The following OPA1 variants were observed in gnomAD, a reference collection of about 807,000 sequenced individuals.
OPA1 encodes OPA1 mitochondrial dynamin like GTPase, also known as dynamin-like GTPase OPA1, mitochondrial.
A neutral mutation model predicts 152.9 loss-of-function variants in OPA1; 59 were observed. That is an observed-to-expected ratio of 0.39 (90% CI 0.31 to 0.48). The LOEUF (loss-of-function observed/expected upper bound fraction) is 0.48. OPA1 is among the 20% of genes least tolerant of loss of function. The probability of loss-of-function intolerance (pLI) is 0.96; values close to 1 mark genes in which losing one functional copy is unlikely to be tolerated. For missense variants in OPA1, 1,008 were observed against 1,216.8 expected (o/e 0.83, Z 2.55); for synonymous variants, 400 against 389.9 (o/e 1.03, Z -0.31).
intron 1 of OPA1, among the ~76,000 whole-genome samples, chr3:193,607,178 G>C (rs1727422780): frequency 6.6e-6 from 1 of 152,214 alleles, no homozygotes. Flanking sequence ...CCCTTTGTCA[G>C]ATGAGAAGTT....
chr3:193,690,240 G>A (rs1010863346), intron 29 of OPA1, among the ~76,000 whole-genome samples: 1 of 150,362 alleles, frequency 6.7e-6, no homozygotes, highest in African/African-American at 2.5e-5. Flanking sequence ...AGGGGTTAAT[G>A]CTACCTTCAT....
intron 28 of OPA1, among the ~76,000 whole-genome samples, chr3:193,666,881 C>T (rs902405118): frequency 6.6e-6 from 1 of 151,968 alleles, no homozygotes; most frequent in Admixed American, 6.6e-5. Flanking sequence ...AGTTTATTTT[C>T]ATTGCATGAA....
chr3:193,684,156 A>G (rs1720596125), intron 29 of OPA1, among the ~76,000 whole-genome samples: 1 of 152,170 alleles, frequency 6.6e-6, no homozygotes, highest in Non-Finnish European at 1.5e-5. Context: ...TCTAATGGCT[A>G]CACATAATCA....
intron 29 of OPA1, among the ~76,000 whole-genome samples, chr3:193,674,735 G>A (rs1410162805): frequency 1.3e-5 from 2 of 152,226 alleles, no homozygotes; most frequent in Middle Eastern, 3.4e-3. Flanking sequence ...TTCACATTCC[G>A]ACACTTCTCC....
chr3:193,668,502 C>T, intron 29 of OPA1: 5 of 1,550,262 alleles, frequency 3.2e-6, no homozygotes, highest in Non-Finnish European at 4.4e-6. Flanking sequence ...TCCATCTCAT[C>T]CTTCCCACCC....
intron 28 of OPA1, 92 bp downstream of exon 28, chr3:193,666,481 C>G: frequency 9.6e-7 from 1 of 1,043,126 alleles, no homozygotes. Context: ...AAATACTTCC[C>G]AAAAGTAGAT....
intron 25 of OPA1, among the ~76,000 whole-genome samples, chr3:193,662,035 G>A (rs200553580): frequency 2.0e-5 from 3 of 151,924 alleles, no homozygotes; most frequent in Admixed American, 6.6e-5. Context: ...ACTCAGTTTC[G>A]TAGCTGTGGT....
At chr3:193,690,577 G>A (rs1403263044) in intron 29 of OPA1, among the ~76,000 whole-genome samples, 2 of 152,060 alleles carry the variant, frequency 1.3e-5, no homozygotes, top group African/African-American at 4.8e-5. Context: ...ATATCCAACC[G>A]TGGTAGGCTT....
chr3:193,651,242 A>G (rs191378312), intron 21 of OPA1, among the ~76,000 whole-genome samples: 1 of 152,362 alleles, frequency 6.6e-6, no homozygotes, highest in East Asian at 1.9e-4. Flanking sequence ...TGTAGTAGGC[A>G]AAATGGAATA....
At chr3:193,625,520 TTAAA>T (rs1447662650) in intron 6 of OPA1, among the ~76,000 whole-genome samples, 3 of 152,100 alleles carry the variant, frequency 2.0e-5, no homozygotes, top group African/African-American at 7.2e-5. Context: ...ATCTTTTAAT[TTAAA>T]TAAAGAACCC....
At chr3:193,646,070 A>C (rs1455459288) in intron 18 of OPA1, among the ~76,000 whole-genome samples, 2 of 51,102 alleles carry the variant, frequency 3.9e-5, no homozygotes, top group African/African-American at 1.3e-4. Context: ...CTCTTACTTT[A>C]TTTTACTTAT....
chr3:193,683,464 G>T (rs1246337365), intron 29 of OPA1, among the ~76,000 whole-genome samples: 1 of 152,020 alleles, frequency 6.6e-6, no homozygotes, highest in Non-Finnish European at 1.5e-5. Flanking sequence ...AAAAATTTGA[G>T]TAAATTTGGG....
At chr3:193,626,827 G>T (rs1731228851) in intron 7 of OPA1, among the ~76,000 whole-genome samples, 1 of 152,152 alleles carries the variant, frequency 6.6e-6, no homozygotes, top group Non-Finnish European at 1.5e-5. Context: ...AATTCTGGTT[G>T]CTAAAGAACA....
chr3:193,665,558 G>C (rs1165555207), intron 27 of OPA1, among the ~76,000 whole-genome samples: 1 of 152,062 alleles, frequency 6.6e-6, no homozygotes, highest in Non-Finnish European at 1.5e-5. Flanking sequence ...ATAATTTAAA[G>C]TAACCCCTAG....
chr3:193,642,825 G>A lies in OPA1; in HGVS notation c.1210G>A (p.Asp404Asn). Residue 404 changes from aspartate to asparagine, a missense_variant, in exon 12 of 31, where the codon GAT becomes AAT. Physicochemically the swap from Asp to Asn is conservative, Grantham distance 23. Around this residue, in one of 7 missense-constraint regions of OPA1, gnomAD observed 213 missense variants for 291.4 expected, o/e 0.73. Coordinates refer to ENST00000361510, the MANE Select transcript of OPA1 (RefSeq NM_130837.3). Reference sequence around the variant, plus strand: ...ATTTAAAGATAGTTCTCGGGAGTTTGATCTTACCAAAGAAGAAGATGTAAG... The same window carrying A: ...ATTTAAAGATAGTTCTCGGGAGTTTAATCTTACCAAAGAAGAAGATGTAAG... The part of the protein sequence containing the change: ...ALFKDSSREF[D>N]LTKEEDLAAL... 1 of 1,613,356 alleles carries A rather than the reference G, an allele frequency of 6.2e-7. No homozygotes were observed. The highest frequency in any genetic ancestry group is 8.5e-7 in the Non-Finnish European group (1 of 1,179,406).
intron 21 of OPA1, among the ~76,000 whole-genome samples, chr3:193,650,271 T>A (rs1712070412): frequency 6.6e-6 from 1 of 152,142 alleles, no homozygotes; most frequent in African/African-American, 2.4e-5. Flanking sequence ...ATCTGGGACA[T>A]CTGGCTGCTA....
At chr3:193,666,893 C>G (rs1483745435) in intron 28 of OPA1, among the ~76,000 whole-genome samples, 1 of 151,878 alleles carries the variant, frequency 6.6e-6, no homozygotes, top group East Asian at 1.9e-4. Flanking sequence ...TTGCATGAAA[C>G]TCTGTTGGGA....
chr3:193,642,187 G>A (rs907425746), intron 11 of OPA1, among the ~76,000 whole-genome samples: 6 of 152,172 alleles, frequency 3.9e-5, no homozygotes, highest in African/African-American at 1.4e-4. Flanking sequence ...GCCTGTCGTA[G>A]CTCCCTTATC....
chr3:193,619,258 A>G (rs1729606004), intron 6 of OPA1, among the ~76,000 whole-genome samples: 1 of 152,188 alleles, frequency 6.6e-6, no homozygotes, highest in Admixed American at 6.5e-5. Flanking sequence ...TTCTTTCCCT[A>G]GGACCTCTCA....
Sources: allele counts gnomAD v4.1 joint callset (sites outside exome capture counted in the v4.1 genomes callset), GRCh38; gene constraint gnomAD v4.1.1; regional missense constraint gnomAD v4.1.1; transcripts MANE v1.5; gene names NCBI Gene and HGNC (gene_info 2026-07-23, HGNC 2026-07-21).